Variants in SETD5 observed in about 807,000 individuals in gnomAD.
SETD5 encodes histone-lysine N-methyltransferase SETD5.
SETD5 carries 44 observed loss-of-function variants against 153.3 expected under a neutral mutation model. That is an observed-to-expected ratio of 0.29 (90% confidence interval 0.23 to 0.37). SETD5 has a LOEUF of 0.37. Among genes scored for constraint, SETD5 ranks in the 10% least tolerant of loss-of-function variants. SETD5 has a pLI of 1.00. For missense variants in SETD5, 1,544 were observed against 1,768.0 expected, an observed-to-expected ratio of 0.87 and a Z score of 2.27; for synonymous variants, 716 against 645.2, an observed-to-expected ratio of 1.11 and a Z score of -1.66.
Position 9,442,355 on chromosome 3 carries a change from G to A in SETD5, c.1077+110G>A, listed in dbSNP as rs574634125. Reference sequence around the variant, plus strand: ...ATAAAGGTCTGTAGATAATAGTCGTGATATTTCATCGTGGGAGGTGAAAAA... The same window carrying A: ...ATAAAGGTCTGTAGATAATAGTCGTAATATTTCATCGTGGGAGGTGAAAAA... On this transcript the variant is annotated intron_variant, in intron 10 of 22. Transcript: ENST00000402198. 51 of 768,196 alleles carry A rather than the reference G, an allele frequency of 6.6e-5. No individual in the cohort carries two copies. The East Asian group carries it at 1.1e-3, about 16-fold the overall frequency. 47.6% of individuals were successfully genotyped at this position (768,196 alleles called of 1,614,324 possible). A position where few individuals can be genotyped will look rare whatever the true frequency, so the allele number is the denominator to read the frequency against.
chr3:9,454,912 G>A (rs980367562), intron 17 of SETD5, among the ~76,000 whole-genome samples: 3 of 151,916 alleles, frequency 2.0e-5, no homozygotes, highest in African/African-American at 7.2e-5. Flanking sequence ...AAATACCAAA[G>A]TAAATTAGAT....
intron 16 of SETD5, 80 bp from the exon 17 acceptor site, chr3:9,453,659 C>T: frequency 7.5e-7 from 1 of 1,336,880 alleles, no homozygotes; most frequent in East Asian, 2.4e-5. Context: ...TATCACTCAC[C>T]AGTTGATGTA....
In SETD5 at chr3:9,476,022, G is replaced by A. The variant is rs767859530; in HGVS notation, c.4260G>A (p.Gly1420=). 1.9e-6 allele frequency: 3 copies of A among 1,614,006 alleles called. No homozygotes were observed. Among genetic ancestry groups the A allele is most frequent in the Non-Finnish European group, 2.5e-6 (3 of 1,179,886 alleles). Residue 1420 remains glycine (G), a synonymous_variant, in exon 23 of 23, where the codon GGG becomes GGA. Coordinates refer to ENST00000402198, the MANE Select transcript of SETD5 (RefSeq NM_001080517.3). ...AGCACTACCCACACCGTGGGAGTGG[G>A]GGTGTGCACCAGTACCGACTCCAGC... ...NSQHYPHRGS[G]GVHQYRLQPL...
chr3:9,444,698 C>T (rs2041725765), intron 11 of SETD5, among the ~76,000 whole-genome samples: 1 of 151,616 alleles, frequency 6.6e-6, no homozygotes, highest in South Asian at 2.1e-4. Context: ...CAAGACCAGC[C>T]TAGACAACAT....
At chr3:9,457,172 C>T (rs992103881) in intron 17 of SETD5, among the ~76,000 whole-genome samples, 1 of 151,996 alleles carries the variant, frequency 6.6e-6, no homozygotes, top group East Asian at 1.9e-4. Flanking sequence ...CCTAAGTAAT[C>T]AGCTGAAAAA....
intron 16 of SETD5, among the ~76,000 whole-genome samples, chr3:9,453,221 C>T (rs2042835593): frequency 6.6e-6 from 1 of 151,918 alleles, no homozygotes. Context: ...TGAAATAAAC[C>T]TTTTGGAAAC....
chr3:9,443,473 A>G (rs2041550321), intron 11 of SETD5, 56 bp downstream of exon 11: 5 of 946,152 alleles, frequency 5.3e-6, no homozygotes, highest in South Asian at 3.1e-5. Flanking sequence ...ATATTAAGCT[A>G]TTCACTCTAT....
In SETD5 at chr3:9,445,724, T is replaced by G. The variant is rs1471909992; in HGVS notation, c.1508T>G (p.Leu503Arg). ...GAGGTTATAGATGACCAGGAGAACC[T>G]AGCTCATAGCAGGAGGGTGAGTACT... ...KEEVIDDQENLAHSRRTREDR... is the reference protein window; with the variant it reads ...KEEVIDDQENRAHSRRTREDR... The change falls in exon 13 of 23, where the codon CTA becomes CGA. Residue 503 changes from leucine to arginine, a missense_variant. Around this residue, in one of 9 missense-constraint regions of SETD5, gnomAD observed 782 missense variants for 787.2 expected, o/e 0.99. Transcript: ENST00000402198. 2 of 1,612,694 alleles carry G rather than the reference T, an allele frequency of 1.2e-6. No individual in the cohort carries two copies. The highest frequency in any genetic ancestry group is 2.7e-5 in the African/African-American group (2 of 74,860).
Position 9,475,788 on chromosome 3 carries a change from T to C in SETD5, c.4026T>C (p.Ser1342=). The part of the protein sequence containing the change: ...GSNLPRRSCP[S]SAASPTLQGP... ...ATCTTCCAAGGAGGAGCTGCCCTTC[T>C]AGTGCTGCTAGCCCTACCCTGCAGG... Residue 1342 remains serine, a synonymous_variant, in exon 23 of 23, where the codon TCT becomes TCC. Coordinates refer to ENST00000402198, the MANE Select transcript of SETD5 (RefSeq NM_001080517.3). 1 of 1,614,032 alleles carries C rather than the reference T, an allele frequency of 6.2e-7. No homozygotes were observed. Among genetic ancestry groups the C allele is most frequent in the Non-Finnish European group, 8.5e-7 (1 of 1,179,894 alleles).
chr3:9,430,349 G>T lies in SETD5; in HGVS notation c.71+1340G>T, dbSNP rs2039815669. On this transcript the variant is annotated intron_variant, in intron 3 of 22. Transcript: ENST00000402198. ...GTCTAAAATGAAAAGCAGTGTTTGG[G>T]CTTATTCCCATATAAAAAGGAGAAA... 4 of 982,902 alleles carry T rather than the reference G, an allele frequency of 4.1e-6. No homozygotes were observed. In the African/African-American group the frequency reaches 5.2e-5, roughly 13 times the overall value. 60.9% of individuals were successfully genotyped at this position (982,902 alleles called of 1,614,324 possible).
Position 9,475,449 on chromosome 3 carries a change from G to A in SETD5, c.3721-34G>A, listed in dbSNP as rs746731407. ...CACCAGCCATTTAAGGGACTTGTTCGCGTCCTTATTCGTTTCCTCCCAACT... is the reference window on the plus strand; with the variant it reads ...CACCAGCCATTTAAGGGACTTGTTCACGTCCTTATTCGTTTCCTCCCAACT... On this transcript the variant is annotated intron_variant, in intron 22 of 22. Coordinates refer to ENST00000402198, the MANE Select transcript of SETD5 (RefSeq NM_001080517.3). 4.2e-5 allele frequency: 67 copies of A among 1,584,328 alleles called. No homozygotes were observed. The East Asian group carries it at 8.1e-4, about 19-fold the overall frequency.
intron 3 of SETD5, chr3:9,432,415 T>G (rs2040071944): frequency 2.9e-6 from 1 of 348,300 alleles, no homozygotes; most frequent in Non-Finnish European, 4.0e-6. Flanking sequence ...ATTCCTGCTG[T>G]ACTATATATT....
intron 17 of SETD5, among the ~76,000 whole-genome samples, chr3:9,460,198 G>T (rs1039930027): frequency 2.0e-4 from 31 of 151,514 alleles, no homozygotes; most frequent in Non-Finnish European, 2.9e-5. Context: ...AAATAAGTAT[G>T]TAAACTTTTT....
chr3:9,470,849 C>G lies in SETD5; in HGVS notation c.3115C>G (p.Arg1039Gly). ...YEHGLMKDLS[R>G]GSLSPGGERA... ...ACATGGCTTAATGAAAGACCTCTCT[C>G]GTGGATCCTTGTCACCTGGTGGTGA... is the stretch of plus-strand genomic sequence containing the variant. The change falls in exon 19 of 23, where the codon CGT (arginine) becomes GGT (glycine). Residue 1039 changes from arginine to glycine, a missense_variant. Arg to Gly is a moderately radical substitution (Grantham distance 125). Coordinates refer to ENST00000402198, the MANE Select transcript of SETD5 (RefSeq NM_001080517.3). 1.2e-6 allele frequency: 2 copies of G among 1,611,958 alleles called. No homozygotes were observed. Among genetic ancestry groups the G allele is most frequent in the African/African-American group, 1.3e-5 (1 of 74,990 alleles).
At chr3:9,446,802 C>G (rs1316556254) in intron 13 of SETD5, among the ~76,000 whole-genome samples, 2 of 152,112 alleles carry the variant, frequency 1.3e-5, no homozygotes, top group East Asian at 3.9e-4. Flanking sequence ...GTTTTTCTTT[C>G]ATATTAAAGT....
intron 13 of SETD5, among the ~76,000 whole-genome samples, chr3:9,446,519 ACT>A (rs2042031457): frequency 6.7e-6 from 1 of 148,922 alleles, no homozygotes; most frequent in Non-Finnish European, 1.5e-5. Flanking sequence ...TTTGAGACCG[ACT>A]CTTGCTCTGT....
chr3:9,448,645 T>G lies in SETD5; in HGVS notation c.2346+15T>G, dbSNP rs1575476974. The G allele has an allele frequency of 3.2e-6, 5 of 1,542,782 alleles. No individual in the cohort carries two copies. The highest frequency in any genetic ancestry group is 2.7e-5 in the African/African-American group (2 of 73,142). On this transcript the variant is annotated intron_variant, in intron 16 of 22. Transcript: ENST00000402198. ...CCTGTAAGAAGGTATGTCTGTGTTT[T>G]TGTGTGTGTGTTGTGTTTATGTGTG...
At chr3:9,472,352 G>A (rs887054032) in intron 19 of SETD5, among the ~76,000 whole-genome samples, 2 of 152,096 alleles carry the variant, frequency 1.3e-5, no homozygotes, top group African/African-American at 4.8e-5. Flanking sequence ...AGGTTCTACG[G>A]CCTGTGTAAG....
At position 9,448,383 on chromosome 3, in the gene SETD5, C is replaced by G; in HGVS notation, c.2104-5C>G. ...TATAAACTAATGATCTCTTTTTTAC[C>G]TTAGTATCTAGTTACAGAATGGTTG... On this transcript the variant is annotated splice_polypyrimidine_tract_variant and splice_region_variant and intron_variant, in intron 15 of 22. Coordinates refer to ENST00000402198, the MANE Select transcript of SETD5 (RefSeq NM_001080517.3). The G allele has an allele frequency of 1.2e-6, 2 of 1,612,232 alleles. No homozygotes were observed. The highest frequency in any genetic ancestry group is 8.5e-7 in the Non-Finnish European group (1 of 1,179,292).
Sources: gnomAD v4.1 joint callset for allele counts (sites outside exome capture counted in the v4.1 genomes callset) on GRCh38, gnomAD v4.1.1 for gene constraint, gnomAD v4.1.1 regional missense constraint, MANE v1.5 for transcripts, NCBI Gene and HGNC (gene_info 2026-07-23, HGNC 2026-07-21) for gene names.